The following NPAS3 variants were observed in gnomAD, a reference collection of about 807,000 sequenced individuals.
The protein encoded by NPAS3 is neuronal PAS domain-containing protein 3.
A neutral mutation model predicts 73.1 loss-of-function variants in NPAS3; 14 were observed. The ratio of observed to expected loss-of-function variants is 0.19; its 90% CI spans 0.13 to 0.30. NPAS3 has a LOEUF of 0.30. Ranked by LOEUF, NPAS3 falls within the 10% of genes least tolerant of loss-of-function variation. The probability of loss-of-function intolerance (pLI) is 1.00; values close to 1 mark genes in which losing one functional copy is unlikely to be tolerated. For missense variants in NPAS3, 1,096 were observed against 1,250.0 expected, an observed-to-expected ratio of 0.88 and a Z score of 1.86; for synonymous variants, 620 against 541.5, an observed-to-expected ratio of 1.14 and a Z score of -2.01.
intron 1 of NPAS3, among the ~76,000 whole-genome samples, chr14:33,031,468 G>T (rs944198558): frequency 2.6e-5 from 4 of 152,096 alleles, no homozygotes; most frequent in African/African-American, 9.7e-5. Flanking sequence ...TACATTTGTA[G>T]TTGTTAACTC....
intron 2 of NPAS3, among the ~76,000 whole-genome samples, chr14:33,121,134 C>A (rs1392896756): frequency 6.6e-6 from 1 of 152,068 alleles, no homozygotes; most frequent in Non-Finnish European, 1.5e-5. Context: ...TCAAGTCTGT[C>A]TTATGCACAC....
intron 4 of NPAS3, among the ~76,000 whole-genome samples, chr14:33,499,078 C>A (rs956402330): frequency 2.0e-5 from 3 of 150,808 alleles, no homozygotes; most frequent in Non-Finnish European, 3.0e-5. Context: ...GAAAAAATTT[C>A]TTTTAAGCAC....
intron 1 of NPAS3, among the ~76,000 whole-genome samples, chr14:32,960,737 G>A (rs1044144475): frequency 2.6e-5 from 4 of 152,142 alleles, no homozygotes; most frequent in Admixed American, 2.6e-4. Context: ...ATATACTTAT[G>A]TGCTTGATGT....
At chr14:33,034,947 G>A (rs1368665717) in intron 1 of NPAS3, among the ~76,000 whole-genome samples, 2 of 152,120 alleles carry the variant, frequency 1.3e-5, no homozygotes, top group African/African-American at 4.8e-5. Context: ...TTTCTTTTAA[G>A]ATCATCTGTC....
rs189246993 is a variant in NPAS3, at chr14:33,009,886, C to G, written c.51-46019C>G. Among the ~76,000 whole-genome samples the G allele has an allele frequency of 2.0e-4, 31 of 152,268 alleles. No individual in the cohort carries two copies. The East Asian group carries it at 6.0e-3, about 29-fold the overall frequency. ...GACCAACCATAGTCTAGTGCTGGTT[C>G]TGACACTAAGGAACCCCTTGCCTCA... On this transcript the variant is annotated intron_variant, in intron 1 of 11. Coordinates refer to ENST00000356141, the Ensembl canonical transcript of NPAS3.
intron 3 of NPAS3, among the ~76,000 whole-genome samples, chr14:33,233,965 T>C (rs1385508657): frequency 6.6e-6 from 1 of 152,182 alleles, no homozygotes; most frequent in Non-Finnish European, 1.5e-5. Context: ...TCTTAATATG[T>C]AAAATAATTT....
At chr14:33,578,703 G>C (rs79691635) in intron 5 of NPAS3, among the ~76,000 whole-genome samples, 2 of 152,274 alleles carry the variant, frequency 1.3e-5, no homozygotes, top group South Asian at 4.1e-4. Context: ...GTCAGTCAAT[G>C]CTGAAGTCTG....
Position 33,800,051 on chromosome 14 carries a change from G to A in NPAS3, c.1744G>A (p.Asp582Asn). 1 of 1,607,304 alleles carries A rather than the reference G, an allele frequency of 6.2e-7. No homozygotes were observed. The stretch of plus-strand genomic sequence containing the variant: ...GTCACTCACGTCCGACAGCGCCAAG[G>A]ACTCGGACAGCGCAGGCGAGGCGGG... Residue 582 changes from aspartate to asparagine, a missense_variant, in exon 12 of 12, where the codon GAC (aspartate) becomes AAC (asparagine). Transcript: ENST00000356141. This position sits in a 1 kb window ranked among gnomAD's most constrained non-coding sequence, Gnocchi z 6.5.
At chr14:33,766,579 C>T (rs1007111575) in intron 7 of NPAS3, among the ~76,000 whole-genome samples, 1 of 152,162 alleles carries the variant, frequency 6.6e-6, no homozygotes, top group Non-Finnish European at 1.5e-5. Context: ...AAGTTGAGCC[C>T]ACCTGAAACC....
At chr14:33,536,847 T>G (rs2140218724) in intron 4 of NPAS3, among the ~76,000 whole-genome samples, 1 of 152,180 alleles carries the variant, frequency 6.6e-6, no homozygotes, top group East Asian at 1.9e-4. Flanking sequence ...GGTCCAAAGG[T>G]TTGACTAAGA....
At chr14:33,410,125 A>G (rs1272824571) in intron 4 of NPAS3, among the ~76,000 whole-genome samples, 4 of 152,126 alleles carry the variant, frequency 2.6e-5, no homozygotes, top group African/African-American at 9.7e-5. Flanking sequence ...AGTGTCATGA[A>G]GCTGCGTAGG....
intron 2 of NPAS3, among the ~76,000 whole-genome samples, chr14:33,067,981 A>G (rs1566525136): frequency 1.3e-5 from 2 of 152,114 alleles, no homozygotes; most frequent in Non-Finnish European, 2.9e-5. Context: ...ACATCCCCTT[A>G]ATTCAAGCTA....
chr14:33,583,694 G>T (rs542884379), intron 5 of NPAS3, among the ~76,000 whole-genome samples: 78 of 152,298 alleles, frequency 5.1e-4, no homozygotes, highest in African/African-American at 1.9e-3. Flanking sequence ...GAAACTTAAA[G>T]ATTTTAAAGA....
chr14:33,345,274 G>T (rs1026663449), intron 3 of NPAS3, among the ~76,000 whole-genome samples: 5 of 152,068 alleles, frequency 3.3e-5, no homozygotes, highest in Admixed American at 6.5e-5. Context: ...TGCCCTAAAA[G>T]ATATGAACCG....
At chr14:33,679,732 A>G (rs1212332631) in intron 6 of NPAS3, among the ~76,000 whole-genome samples, 1 of 152,214 alleles carries the variant, frequency 6.6e-6, no homozygotes, top group East Asian at 1.9e-4. Context: ...TAAGTGACTA[A>G]GCCAGCCTAA....
At chr14:33,564,798 T>C (rs542170749) in intron 5 of NPAS3, among the ~76,000 whole-genome samples, 2 of 152,318 alleles carry the variant, frequency 1.3e-5, no homozygotes, top group South Asian at 4.1e-4. Context: ...GCAAAGTGCA[T>C]TCAAGTTAAT....
chr14:33,299,727 A>T (rs1366294687), intron 3 of NPAS3, among the ~76,000 whole-genome samples: 3 of 152,218 alleles, frequency 2.0e-5, no homozygotes, highest in African/African-American at 7.2e-5. Flanking sequence ...GGGGAAAAAA[A>T]GCAATGATAA....
chr14:33,355,337 G>T (rs1331508186), intron 3 of NPAS3, among the ~76,000 whole-genome samples: 2 of 152,038 alleles, frequency 1.3e-5, no homozygotes, highest in East Asian at 3.9e-4. Flanking sequence ...GTCTTGCTCT[G>T]TCGCCCAGGC....
chr14:33,197,293 ACAGT>A (rs551404263), intron 2 of NPAS3, among the ~76,000 whole-genome samples: 186 of 142,062 alleles, frequency 1.3e-3, no homozygotes, highest in Non-Finnish European at 2.2e-3. Flanking sequence ...GATCCACTGT[ACAGT>A]CAGTCCTAGA....
Sources: allele counts gnomAD v4.1 joint callset (sites outside exome capture counted in the v4.1 genomes callset), GRCh38; gene constraint gnomAD v4.1.1; non-coding constraint Gnocchi (gnomAD v3.1); transcripts MANE v1.5; gene names NCBI Gene and HGNC (gene_info 2026-07-23, HGNC 2026-07-21).